ASCC3: variants seen among roughly 807,000 people sequenced by gnomAD.
The protein encoded by ASCC3 is activating signal cointegrator 1 complex subunit 3.
ASCC3 carries 158 observed loss-of-function variants against 256.3 expected under a neutral mutation model. That is an observed-to-expected ratio of 0.62 (90% CI 0.54 to 0.70). ASCC3 has a LOEUF of 0.70. Ranked by LOEUF, ASCC3 falls within the 30% of genes least tolerant of loss-of-function variation. The probability of loss-of-function intolerance (pLI) is 0.00; values close to 1 mark genes in which losing one functional copy is unlikely to be tolerated. For missense variants in ASCC3, 2,259 were observed against 2,626.0 expected, an observed-to-expected ratio of 0.86 and a Z score of 3.05; for synonymous variants, 948 against 883.4, an observed-to-expected ratio of 1.07 and a Z score of -1.30.
At chr6:100,845,507 C>T (rs908921145) in intron 4 of ASCC3, among the ~76,000 whole-genome samples, 1 of 151,986 alleles carries the variant, frequency 6.6e-6, no homozygotes, top group Non-Finnish European at 1.5e-5. Context: ...CAGAGTGTAA[C>T]CTTTTCAGTT....
chr6:100,658,756 T>C (rs1776043051), intron 16 of ASCC3, among the ~76,000 whole-genome samples: 1 of 151,310 alleles, frequency 6.6e-6, no homozygotes, highest in African/African-American at 2.4e-5. Context: ...GTCGTTCAGA[T>C]TGTAGAGGCC....
intron 13 of ASCC3, among the ~76,000 whole-genome samples, chr6:100,700,815 A>G (rs1778320110): frequency 6.6e-6 from 1 of 152,050 alleles, no homozygotes; most frequent in Non-Finnish European, 1.5e-5. Context: ...CCTGTACCCC[A>G]TTGTATCTAG....
chr6:100,599,207 C>T (rs1772466620), intron 34 of ASCC3, among the ~76,000 whole-genome samples: 1 of 152,066 alleles, frequency 6.6e-6, no homozygotes, highest in Non-Finnish European at 1.5e-5. Context: ...ATAGATAGGA[C>T]CAGCAGAGAA....
rs9497983 is a variant in ASCC3 at position 100,650,642 on chromosome 6, C to T, written c.3148G>A (p.Val1050Ile). ...NFCELSTPGGVENSYGKINIL... is the reference protein window; with the variant it reads ...NFCELSTPGGIENSYGKINIL... ...TTTATTTTCCCATAACTATTCTCTA[C>T]ACCTCCAGGAGTGGAGAGTTCACAA... The change falls in exon 20 of 42, where the codon GTA becomes ATA. Residue 1050 changes from valine (V) to isoleucine (I), a missense_variant. Val to Ile is a conservative substitution (Grantham distance 29, BLOSUM62 3). This residue lies in a region of ASCC3 where 1,839 missense variants were observed against 2,206.7 expected (regional missense o/e 0.83). Coordinates refer to ENST00000369162, the MANE Select transcript of ASCC3 (RefSeq NM_006828.4). 2,382 of 1,612,706 alleles carry T rather than the reference C, an allele frequency of 1.5e-3. 28 individuals carry two copies. The African/African-American group carries it at 0.028, about 19-fold the overall frequency.
intron 37 of ASCC3, chr6:100,530,471 A>G: frequency 1.2e-6 from 1 of 801,260 alleles, no homozygotes; most frequent in Non-Finnish European, 2.3e-6. Flanking sequence ...GGAAGAAGTT[A>G]GAACAACTGT....
At chr6:100,795,249 T>C (rs1769552339) in intron 8 of ASCC3, among the ~76,000 whole-genome samples, 1 of 151,972 alleles carries the variant, frequency 6.6e-6, no homozygotes, top group Non-Finnish European at 1.5e-5. Context: ...CGGTCATGTT[T>C]GCTGCTTCTG....
intron 36 of ASCC3, among the ~76,000 whole-genome samples, chr6:100,578,204 C>T (rs72939375): frequency 9.9e-5 from 15 of 152,100 alleles, no homozygotes; most frequent in Admixed American, 4.6e-4. Flanking sequence ...AAGGTATAAA[C>T]AGGCATAACA....
At chr6:100,620,802 C>G (rs1773912341) in intron 30 of ASCC3, among the ~76,000 whole-genome samples, 1 of 152,156 alleles carries the variant, frequency 6.6e-6, no homozygotes, top group African/African-American at 2.4e-5. Context: ...AACCGCTAAG[C>G]TTCCAGCCCA....
chr6:100,803,946 C>T (rs976241277), intron 5 of ASCC3, among the ~76,000 whole-genome samples: 1 of 151,728 alleles, frequency 6.6e-6, no homozygotes, highest in African/African-American at 2.4e-5. Flanking sequence ...GTAAGGCTGG[C>T]AAAAAACAGT....
chr6:100,637,536 AAT>A (rs1414667463), intron 25 of ASCC3, among the ~76,000 whole-genome samples: 6 of 152,124 alleles, frequency 3.9e-5, no homozygotes, highest in Non-Finnish European at 1.5e-5. Flanking sequence ...TTACTTAAGA[AAT>A]ATGTTTCATA....
rs142570292 is a variant in ASCC3 at position 100,767,265 on chromosome 6, A to T, written c.1476T>A (p.Asn492Lys). The change falls in exon 9 of 42, where the codon AAT becomes AAA. Residue 492 changes from asparagine to lysine, a missense_variant. Around this residue, in one of 2 missense-constraint regions of ASCC3, gnomAD observed 1,839 missense variants for 2,206.7 expected, o/e 0.83. Coordinates refer to ENST00000369162, the MANE Select transcript of ASCC3 (RefSeq NM_006828.4). ...TAGGGGCACAAATCAGCATGTTCTCATTGGTGTTGTAGGCAGTCTCAAACA... is the reference window on the plus strand; with the variant it reads ...TAGGGGCACAAATCAGCATGTTCTCTTTGGTGTTGTAGGCAGTCTCAAACA... ...SIVFETAYNT[N>K]ENMLICAPTG... 1.0e-4 allele frequency: 162 copies of T among 1,613,866 alleles called. No individual in the cohort carries two copies. Among genetic ancestry groups the T allele is most frequent in the Admixed American group, 3.2e-4 (19 of 59,990 alleles).
intron 36 of ASCC3, among the ~76,000 whole-genome samples, chr6:100,582,539 C>T (rs1404061677): frequency 1.3e-5 from 2 of 151,904 alleles, no homozygotes; most frequent in Non-Finnish European, 2.9e-5. Flanking sequence ...CAAACAGGGA[C>T]AATTTGACTT....
chr6:100,794,982 T>C (rs1227821057), intron 8 of ASCC3, among the ~76,000 whole-genome samples: 1 of 152,056 alleles, frequency 6.6e-6, no homozygotes, highest in Non-Finnish European at 1.5e-5. Flanking sequence ...ATAATAGCAC[T>C]CTCCTTTCCT....
chr6:100,881,237 G>A lies in ASCC3; in HGVS notation c.-218C>T, dbSNP rs888818193. ...TCCGCCCTCCAAGCCGCGCTTGCCGGGGTCGCGCCCAGTCACAGGGAACCG... is the reference window on the plus strand; with the variant it reads ...TCCGCCCTCCAAGCCGCGCTTGCCGAGGTCGCGCCCAGTCACAGGGAACCG... On this transcript the variant is annotated 5_prime_UTR_variant, in exon 1 of 42. Coordinates refer to ENST00000369162, the MANE Select transcript of ASCC3 (RefSeq NM_006828.4). 2 of 152,410 alleles carry A rather than the reference G, an allele frequency of 1.3e-5. No individual in the cohort carries two copies. The highest frequency in any genetic ancestry group is 4.8e-5 in the African/African-American group (2 of 41,458). 9.4% of individuals were successfully genotyped at this position (152,410 alleles called of 1,614,324 possible).
At position 100,605,710 on chromosome 6, in the gene ASCC3, A is replaced by G. The variant is rs201855917; in HGVS notation, c.5045-10T>C. The G allele has an allele frequency of 7.4e-6, 12 of 1,613,098 alleles. No individual in the cohort carries two copies. The East Asian group carries it at 2.7e-4, about 36-fold the overall frequency. ...ATCATCTGGAGGACATCTTTAAAAG[A>G]GAGAACAAAGAGATATTCTACAATG... On this transcript the variant is annotated splice_polypyrimidine_tract_variant and intron_variant, in intron 32 of 41. Transcript: ENST00000369162.
chr6:100,695,483 C>T (rs1175533207), intron 13 of ASCC3, among the ~76,000 whole-genome samples: 1 of 152,110 alleles, frequency 6.6e-6, no homozygotes, highest in Non-Finnish European at 1.5e-5. Flanking sequence ...ACGTCCAGGG[C>T]CTTCTGAGTA....
chr6:100,778,391 C>A (rs1451160831), intron 8 of ASCC3, among the ~76,000 whole-genome samples: 4 of 121,414 alleles, frequency 3.3e-5, no homozygotes, highest in Non-Finnish European at 5.1e-5. Flanking sequence ...TTCTAGTAAT[C>A]TTTCTAAATT....
chr6:100,680,795 C>CAAT (rs1777261158), intron 13 of ASCC3, among the ~76,000 whole-genome samples: 1 of 141,286 alleles, frequency 7.1e-6, no homozygotes. Context: ...CACCTCTTCT[C>CAAT]AATATCTCCC....
chr6:100,829,920 G>C (rs748195694), intron 4 of ASCC3, among the ~76,000 whole-genome samples: 1 of 152,072 alleles, frequency 6.6e-6, no homozygotes, highest in Admixed American at 6.5e-5. Context: ...CACAGTCACT[G>C]TGATACTGCA....
Sources: gnomAD v4.1 joint callset for allele counts (sites outside exome capture counted in the v4.1 genomes callset) on GRCh38, gnomAD v4.1.1 for gene constraint, gnomAD v4.1.1 regional missense constraint, MANE v1.5 for transcripts, NCBI Gene and HGNC (gene_info 2026-07-23, HGNC 2026-07-21) for gene names.